Variants in LYRM4 observed in about 807,000 individuals in gnomAD.
The protein encoded by LYRM4 is LYR motif containing 4.
A neutral mutation model predicts 11.7 loss-of-function variants in LYRM4; 9 were observed. The ratio of observed to expected loss-of-function variants is 0.77; its 90% CI spans 0.46 to 1.34. LYRM4 has a LOEUF of 1.34. Ranked by LOEUF, LYRM4 falls within the 40% of genes most tolerant of loss-of-function variation. The pLI is 0.00. For synonymous variants in LYRM4, 42 were observed against 40.4 expected, an observed-to-expected ratio of 1.04 and a Z score of -0.15; for missense variants, 133 against 112.5, an observed-to-expected ratio of 1.18 and a Z score of -0.82.
At chr6:5,066,265 T>C in the LYRM4 span, 1 of 720,692 alleles carries the variant, frequency 1.4e-6, no homozygotes, top group Admixed American at 1.9e-5. Flanking sequence ...ATTTCGGGGA[T>C]CTGCCGTTAG....
the LYRM4 span, chr6:5,067,114 A>C: frequency 3.9e-6 from 1 of 254,472 alleles, no homozygotes. Context: ...TGATACAGAC[A>C]AAAGTATTAA....
intron 1 of LYRM4, among the ~76,000 whole-genome samples, chr6:5,248,702 G>C (rs1377017481): frequency 6.6e-6 from 1 of 152,218 alleles, no homozygotes; most frequent in Non-Finnish European, 1.5e-5. Flanking sequence ...TTCGGGTTAG[G>C]CTGCTGTCTC....
chr6:5,149,084 A>G (rs2127637240), intron 2 of LYRM4, among the ~76,000 whole-genome samples: 1 of 152,322 alleles, frequency 6.6e-6, no homozygotes, highest in East Asian at 1.9e-4. Flanking sequence ...TGGATGAGTA[A>G]TATTTAGCCA....
At chr6:5,225,027 T>TC (rs1762794761) in intron 1 of LYRM4, among the ~76,000 whole-genome samples, 2 of 151,890 alleles carry the variant, frequency 1.3e-5, no homozygotes, top group Non-Finnish European at 2.9e-5. Context: ...GGCAGGCGGA[T>TC]CACCTGAGGT....
At chr6:5,253,663 G>A (rs1172429354) in intron 1 of LYRM4, among the ~76,000 whole-genome samples, 1 of 152,056 alleles carries the variant, frequency 6.6e-6, no homozygotes, top group Non-Finnish European at 1.5e-5. Context: ...GAGCCTAGTC[G>A]CCGGCCATTG....
At chr6:5,065,896 G>T in the LYRM4 span, 1 of 231,670 alleles carries the variant, frequency 4.3e-6, no homozygotes. Flanking sequence ...GTACATGTTA[G>T]TTATTTTCTC....
intron 1 of LYRM4, among the ~76,000 whole-genome samples, chr6:5,251,981 G>GGA (rs1764452061): frequency 6.6e-6 from 1 of 151,730 alleles, no homozygotes; most frequent in Non-Finnish European, 1.5e-5. Context: ...TCCTAAACAC[G>GGA]AATCATTATT....
chr6:5,246,572 G>A (rs755870446), intron 1 of LYRM4, among the ~76,000 whole-genome samples: 2 of 152,322 alleles, frequency 1.3e-5, no homozygotes, highest in East Asian at 1.9e-4. Context: ...GTGCAGGGGG[G>A]ACTGAGAGTG....
At chr6:5,176,265 A>G (rs1397059599) in intron 2 of LYRM4, among the ~76,000 whole-genome samples, 1 of 151,928 alleles carries the variant, frequency 6.6e-6, no homozygotes, top group East Asian at 1.9e-4. Context: ...GGGTTTCACC[A>G]TATTAGCCAG....
At chr6:5,252,679 C>T (rs1416931948) in intron 1 of LYRM4, among the ~76,000 whole-genome samples, 8 of 152,058 alleles carry the variant, frequency 5.3e-5, no homozygotes, top group Non-Finnish European at 7.4e-5. Context: ...GTGATATAAA[C>T]GTAATGAAGT....
intron 2 of LYRM4, among the ~76,000 whole-genome samples, chr6:5,155,718 G>T (rs895316720): frequency 6.6e-6 from 1 of 152,182 alleles, no homozygotes; most frequent in African/African-American, 2.4e-5. Context: ...GCAGCAAAAC[G>T]TATGGATAGC....
the LYRM4 span, chr6:5,088,866 C>T: frequency 6.6e-6 from 1 of 152,264 alleles, no homozygotes; most frequent in African/African-American, 2.4e-5. Context: ...CCTTCTTTCA[C>T]CTAAAAAAAT....
rs1283522219 is a variant in LYRM4 at position 5,203,110 on chromosome 6, A to G, written c.207+13508T>C. 3.9e-5 allele frequency among the ~76,000 whole-genome samples: 6 copies of G among 152,186 alleles called. No homozygotes were observed. The East Asian group carries it at 9.6e-4, about 24-fold the overall frequency. On this transcript the variant is annotated intron_variant, in intron 2 of 2. Transcript: ENST00000330636. ...GTCCTTCATCTGTCATCAGAAAACA[A>G]ATTCCTCAAATACAGACGATTAACT...
At chr6:5,095,033 C>T in the LYRM4 span, among the ~76,000 whole-genome samples, 1 of 152,076 alleles carries the variant, frequency 6.6e-6, no homozygotes, top group African/African-American at 2.4e-5. Context: ...ATGGATAGCC[C>T]AGTTACCCTG....
chr6:5,228,176 T>G (rs371069528), intron 1 of LYRM4, among the ~76,000 whole-genome samples: 2 of 152,174 alleles, frequency 1.3e-5, no homozygotes, highest in African/African-American at 4.8e-5. Flanking sequence ...ATATACCTAT[T>G]GATCACAATG....
At chr6:5,085,327 C>A in the LYRM4 span, 1 of 576,328 alleles carries the variant, frequency 1.7e-6, no homozygotes, top group Non-Finnish European at 3.0e-6. Flanking sequence ...GCCGGAGGCT[C>A]CAAAGTGGAA....
chr6:5,080,572 C>G, the LYRM4 span, among the ~76,000 whole-genome samples: 4 of 152,138 alleles, frequency 2.6e-5, no homozygotes, highest in African/African-American at 9.7e-5. Context: ...GCATCCGAAC[C>G]GGGAGCACCT....
chr6:5,184,078 CT>C (rs1033057854), intron 2 of LYRM4, among the ~76,000 whole-genome samples: 5 of 151,644 alleles, frequency 3.3e-5, no homozygotes, highest in East Asian at 1.9e-4. Context: ...AAAAGTCATA[CT>C]TTTTTTTTCT....
chr6:5,100,387 A>G (rs968524460), downstream of LYRM4, among the ~76,000 whole-genome samples: 1 of 152,166 alleles, frequency 6.6e-6, no homozygotes, highest in Non-Finnish European at 1.5e-5. Flanking sequence ...CTCTCCTTCC[A>G]GAGCGGATTT....
Sources: gnomAD v4.1 joint callset for allele counts (sites outside exome capture counted in the v4.1 genomes callset) on GRCh38, gnomAD v4.1.1 for gene constraint, MANE v1.5 for transcripts, NCBI Gene and HGNC (gene_info 2026-07-23, HGNC 2026-07-21) for gene names.